ABCC11: variants seen among roughly 807,000 people sequenced by gnomAD.
ABCC11 encodes ATP-binding cassette sub-family C member 11.
ABCC11 carries 135 observed loss-of-function variants against 149.3 expected under a neutral mutation model. The ratio of observed to expected loss-of-function variants is 0.90; its 90% CI spans 0.79 to 1.04. The LOEUF is 1.04. ABCC11 is among the 50% of genes least tolerant of loss of function. The pLI, the probability that ABCC11 is intolerant of heterozygous loss-of-function variation, is 0.00. For synonymous variants in ABCC11, 665 were observed against 671.4 expected, an observed-to-expected ratio of 0.99 and a Z score of 0.15; for missense variants, 1,680 against 1,722.1, an observed-to-expected ratio of 0.98 and a Z score of 0.43.
chr16:48,194,370 T>C (rs1453081367), intron 18 of ABCC11, among the ~76,000 whole-genome samples: 1 of 152,246 alleles, frequency 6.6e-6, no homozygotes, highest in African/African-American at 2.4e-5. Flanking sequence ...ATGCAGGTCC[T>C]GCAGGTTCAG....
chr16:48,183,987 C>T (rs1966603966), intron 23 of ABCC11, among the ~76,000 whole-genome samples: 1 of 152,164 alleles, frequency 6.6e-6, no homozygotes, highest in Middle Eastern at 3.2e-3. Flanking sequence ...TTTTAAACAA[C>T]CTTTCCAGGT....
chr16:48,213,375 C>T (rs1969080255), intron 10 of ABCC11, 68 bp downstream of exon 10: 4 of 1,410,524 alleles, frequency 2.8e-6, no homozygotes, highest in Non-Finnish European at 4.0e-6. Flanking sequence ...TCTGGAGGAA[C>T]ATCATGGGGG....
chr16:48,175,490 G>A lies in ABCC11; in HGVS notation c.3539-73C>T, dbSNP rs1024788069. ...AGCGGAAGCACAGATCGCACCTGGCGATCACACCTGACCCGCTGCCCTCCG... is the reference window on the plus strand; with the variant it reads ...AGCGGAAGCACAGATCGCACCTGGCAATCACACCTGACCCGCTGCCCTCCG... On this transcript the variant is annotated intron_variant, in intron 25 of 29. Coordinates refer to ENST00000356608, the MANE Select transcript of ABCC11 (RefSeq NM_001370497.1). 10 of 1,508,082 alleles carry A rather than the reference G, an allele frequency of 6.6e-6. No homozygotes were observed. In the African/African-American group the frequency reaches 6.9e-5, roughly 10 times the overall value. The allele number at this position is 1,508,082 out of a possible 1,614,324, so 93.4% of individuals were successfully genotyped here.
chr16:48,165,611 C>T (rs1965306506), downstream of ABCC11: 1 of 152,398 alleles, frequency 6.6e-6, no homozygotes, highest in African/African-American at 2.4e-5. Context: ...TTTTCCTCTG[C>T]ATCCTGTTCC....
At chr16:48,217,468 T>C (rs1969427621) in intron 6 of ABCC11, among the ~76,000 whole-genome samples, 1 of 152,084 alleles carries the variant, frequency 6.6e-6, no homozygotes, top group South Asian at 2.1e-4. Context: ...CGGGGGCACA[T>C]GCCTGTAGTC....
At chr16:48,230,722 C>T (rs1045248031) in intron 2 of ABCC11, 149 bp from the exon 3 acceptor site, 49 of 975,290 alleles carry the variant, frequency 5.0e-5, no homozygotes, top group East Asian at 8.6e-5. Flanking sequence ...AGCAGGGGAC[C>T]GAGAGTCAGG....
At chr16:48,203,865 G>A (rs992299148) in intron 13 of ABCC11, among the ~76,000 whole-genome samples, 35 of 152,056 alleles carry the variant, frequency 2.3e-4, no homozygotes, top group African/African-American at 7.7e-4. Flanking sequence ...GTGAGACTCC[G>A]TCTCAAAAAA....
intron 9 of ABCC11, among the ~76,000 whole-genome samples, 163 bp downstream of exon 9, chr16:48,214,718 G>A (rs867856924): frequency 6.6e-6 from 1 of 152,202 alleles, no homozygotes; most frequent in Non-Finnish European, 1.5e-5. Context: ...TTTCAGATGG[G>A]TTGAGATGGA....
At chr16:48,206,651 T>C (rs1968474543) in intron 12 of ABCC11, among the ~76,000 whole-genome samples, 1 of 152,210 alleles carries the variant, frequency 6.6e-6, no homozygotes, top group Non-Finnish European at 1.5e-5. Context: ...CTCATTTACA[T>C]AGGAAACTGA....
intron 10 of ABCC11, among the ~76,000 whole-genome samples, chr16:48,212,543 G>A (rs775609025): frequency 3.3e-5 from 5 of 152,212 alleles, no homozygotes; most frequent in Non-Finnish European, 7.3e-5. Context: ...GGTTGGACAA[G>A]CTTGCTCTAG....
intron 1 of ABCC11, chr16:48,244,354 C>G (rs762992923): frequency 9.5e-6 from 14 of 1,476,040 alleles, no homozygotes; most frequent in East Asian, 2.6e-5. Flanking sequence ...CTGTCTGGCT[C>G]TTTTTGACAG....
intron 20 of ABCC11, among the ~76,000 whole-genome samples, chr16:48,189,576 C>T (rs1169780884): frequency 6.6e-6 from 1 of 152,142 alleles, no homozygotes; most frequent in East Asian, 1.9e-4. Flanking sequence ...ACACAAAACA[C>T]GTTTTCATGG....
intron 1 of ABCC11, chr16:48,244,470 A>G (rs1971221146): frequency 6.3e-7 from 1 of 1,598,024 alleles, no homozygotes; most frequent in Non-Finnish European, 8.5e-7. Flanking sequence ...GCCCGGCTCC[A>G]CCATGCGCAC....
At position 48,216,235 on chromosome 16, in the gene ABCC11, T is replaced by C. The variant is rs1969334455; in HGVS notation, c.830A>G (p.Tyr277Cys). The stretch of plus-strand genomic sequence containing the variant: ...GCAGGTGATCAGTACTAGGGGTCCA[T>C]AGCACACCCCTTCAAACAGGTAGTT... ...DVNYLFEGVC[Y>C]GPLVLITCAS... is the part of the protein sequence containing the mutation. Residue 277 changes from tyrosine (Y) to cysteine (C), a missense_variant, in exon 7 of 30, where the codon TAT (tyrosine) becomes TGT (cysteine). By Grantham distance (194) the Tyr-to-Cys change is radical (BLOSUM62 -2). Coordinates refer to ENST00000356608, the MANE Select transcript of ABCC11 (RefSeq NM_001370497.1). 2.5e-6 allele frequency: 4 copies of C among 1,613,910 alleles called. No homozygotes were observed. In the African/African-American group the frequency reaches 4.0e-5, roughly 16 times the overall value.
rs572265198 is a variant in ABCC11 at position 48,211,859 on chromosome 16, C to A, written c.1357-660G>T. ...AAGGGTTGAACTACATAAATTCAAG[C>A]AATTAAAAGAATGGAGGGGAGTATG... is the stretch of plus-strand genomic sequence containing the variant. On this transcript the variant is annotated intron_variant, in intron 10 of 29. Coordinates refer to ENST00000356608, the MANE Select transcript of ABCC11 (RefSeq NM_001370497.1). 3.3e-5 allele frequency among the ~76,000 whole-genome samples: 5 copies of A among 152,254 alleles called. No individual in the cohort carries two copies. In the South Asian group the frequency reaches 1.0e-3, roughly 32 times the overall value.
intron 1 of ABCC11, among the ~76,000 whole-genome samples, chr16:48,233,168 T>C (rs1434587003): frequency 6.6e-6 from 1 of 152,100 alleles, no homozygotes; most frequent in East Asian, 1.9e-4. Flanking sequence ...GCCACTGTAC[T>C]CCAGCCTGGG....
intron 28 of ABCC11, 102 bp downstream of exon 28, chr16:48,170,003 G>A: frequency 1.3e-6 from 1 of 788,444 alleles, no homozygotes; most frequent in South Asian, 1.6e-5. Flanking sequence ...ACACCACAGA[G>A]CCCAGTGTCC....
chr16:48,192,565 G>C lies in ABCC11; in HGVS notation c.2661C>G (p.Val887=). Reference sequence around the variant, plus strand: ...GCAGGGCCGTGGATGCCTTCCTCGTGACCTTGGTGAAAATCCCTGAGGAGC... The same window carrying C: ...GCAGGGCCGTGGATGCCTTCCTCGTCACCTTGGTGAAAATCCCTGAGGAGC... ...GVCSSGIFTK[V]TRKASTALHN... Residue 887 remains valine, a synonymous_variant, in exon 20 of 30, where the codon GTC becomes GTG. Transcript: ENST00000356608. 6.2e-7 allele frequency: 1 copy of C among 1,614,268 alleles called. No individual in the cohort carries two copies. The highest frequency in any genetic ancestry group is 8.5e-7 in the Non-Finnish European group (1 of 1,180,056).
In ABCC11 at chr16:48,198,051, GTGTCCTGCAACA is replaced by G; in HGVS notation, c.2222_2233del (p.Met741_Asp744del). On this transcript the variant is annotated inframe_deletion, in exon 17 of 30. Transcript: ENST00000356608. ...CTTTGGCTTCTCTGCTATCTTTGCT[GTGTCCTGCAACA>G]TGTCCTGGGGAGAGAGCACAGGCCC... 1 of 1,614,192 alleles carries G rather than the reference GTGTCCTGCAACA, an allele frequency of 6.2e-7. No individual in the cohort carries two copies. The highest frequency in any genetic ancestry group is 8.5e-7 in the Non-Finnish European group (1 of 1,180,030).
Sources: gnomAD v4.1 joint callset for allele counts (sites outside exome capture counted in the v4.1 genomes callset) on GRCh38, gnomAD v4.1.1 for gene constraint, MANE v1.5 for transcripts, NCBI Gene and HGNC (gene_info 2026-07-23, HGNC 2026-07-21) for gene names.